GK: variants seen among roughly 807,000 people sequenced by gnomAD.
GK encodes the protein glycerol kinase.
GK carries 9 observed loss-of-function variants against 56.4 expected under a neutral mutation model. The observed-to-expected ratio is 0.16, with a 90% CI of 0.10 to 0.28. The LOEUF is 0.28. GK is among the 10% of genes least tolerant of loss of function. GK has a pLI of 1.00. For missense variants in GK, 161 were observed against 431.4 expected (o/e 0.37, Z 5.55); for synonymous variants, 104 against 144.1 (o/e 0.72, Z 1.99).
In GK at chrX:30,693,026, T is replaced by C. The variant is rs1267574732; in HGVS notation, c.415-1374T>C. Among the ~76,000 whole-genome samples the C allele has an allele frequency of 4.4e-5, 4 of 90,715 alleles. No homozygotes were observed. The East Asian group carries it at 1.3e-3, about 30-fold the overall frequency. The allele number at this position is 90,715 out of a possible 115,157, so 78.8% of individuals were successfully genotyped here. ...TTTTTCTTTTCTTTTTTTTTTTTTT[T>C]TTTTTTTTGAGACGGAGTCTCGCTC... is the stretch of plus-strand genomic sequence containing the variant. On this transcript the variant is annotated intron_variant, in intron 5 of 20. Transcript: ENST00000427190.
At chrX:30,683,931 G>A (rs774375046) in intron 4 of GK, among the ~76,000 whole-genome samples, 1 of 111,567 alleles carries the variant, frequency 9.0e-6, no homozygotes, top group South Asian at 3.8e-4. Flanking sequence ...TAGTCTTCCT[G>A]GTACTTCTCT....
intron 11 of GK, among the ~76,000 whole-genome samples, chrX:30,706,054 C>A (rs751540000): frequency 2.0e-4 from 22 of 111,607 alleles, no homozygotes; most frequent in Non-Finnish European, 3.4e-4. Flanking sequence ...TTTCAGTGTG[C>A]GGCAATAAAA....
chrX:30,665,804 G>A (rs1050376728), intron 2 of GK, among the ~76,000 whole-genome samples: 1 of 112,146 alleles, frequency 8.9e-6, no homozygotes, highest in Non-Finnish European at 1.9e-5. Context: ...GAATAATAAA[G>A]TAATAAAGCA....
At chrX:30,687,840 T>A (rs1484972256) in intron 4 of GK, among the ~76,000 whole-genome samples, 1 of 112,290 alleles carries the variant, frequency 8.9e-6, no homozygotes, top group African/African-American at 3.2e-5. Context: ...AGTTTTCTAA[T>A]TTTTTTGTTC....
At chrX:30,707,298 C>T (rs1936065478) in intron 11 of GK, among the ~76,000 whole-genome samples, 2 of 106,587 alleles carry the variant, frequency 1.9e-5, no homozygotes, top group African/African-American at 6.9e-5. Context: ...CCACTGCACT[C>T]CAGCCTGGTG....
At chrX:30,695,726 C>T (rs1332272941) in intron 6 of GK, among the ~76,000 whole-genome samples, 2 of 112,398 alleles carry the variant, frequency 1.8e-5, no homozygotes, top group Non-Finnish European at 3.8e-5. Flanking sequence ...TTTAATAAGA[C>T]TCTGAGTTTT....
intron 3 of GK, among the ~76,000 whole-genome samples, chrX:30,670,691 A>G (rs1933426027): frequency 8.9e-6 from 1 of 112,209 alleles, no homozygotes. Context: ...AAACTGTTAA[A>G]GCTGTAAAGG....
chrX:30,689,718 C>A (rs1008634352), intron 4 of GK: 1 of 253,391 alleles, frequency 3.9e-6, no homozygotes, highest in Non-Finnish European at 7.6e-6. Flanking sequence ...CAGACCCATT[C>A]CTGGAGCTGG....
intron 4 of GK, among the ~76,000 whole-genome samples, chrX:30,688,522 A>AG (rs1400717480): frequency 9.4e-6 from 1 of 106,043 alleles, no homozygotes; most frequent in Non-Finnish European, 1.9e-5. Context: ...AAAAAAAAAA[A>AG]GGGAGAGAGA....
rs2147144601 is a variant in GK, at chrX:30,668,056, A to C, written c.197A>C (p.Glu66Ala). Residue 66 changes from glutamate to alanine, a missense_variant, in exon 3 of 21, where the codon GAG becomes GCG. By Grantham distance (107) the Glu-to-Ala change is moderately radical. Coordinates refer to ENST00000427190, the MANE Select transcript of GK (RefSeq NM_001205019.2). ...DPKEILHSVY[E>A]CIEKTCEKLG... ...AAGGAAATTCTACATTCTGTCTATG[A>C]GTGTATAGAGAAAACATGTGAGAAA... The C allele has an allele frequency of 8.8e-7, 1 of 1,138,505 alleles. No individual in the cohort carries two copies. The highest frequency in any genetic ancestry group is 1.2e-6 in the Non-Finnish European group (1 of 828,648). 93.8% of individuals were successfully genotyped at this position (1,138,505 alleles called of 1,213,427 possible). A position where few individuals can be genotyped will look rare whatever the true frequency, so the allele number is the denominator to read the frequency against.
intron 4 of GK, among the ~76,000 whole-genome samples, chrX:30,685,705 T>C (rs942946723): frequency 1.1e-4 from 12 of 112,282 alleles, no homozygotes; most frequent in Non-Finnish European, 1.7e-4. Context: ...TAATTATTTT[T>C]ATCCCGTTAA....
chrX:30,690,249 T>C (rs1334920046), intron 4 of GK, among the ~76,000 whole-genome samples: 1 of 112,065 alleles, frequency 8.9e-6, no homozygotes, highest in Non-Finnish European at 1.9e-5. Context: ...AGGAGGTATC[T>C]GAGCAGTCAG....
intron 18 of GK, 176 bp from the exon 19 acceptor site, chrX:30,723,925 A>C (rs887908563): frequency 4.3e-6 from 2 of 466,232 alleles, no homozygotes; most frequent in Non-Finnish European, 7.8e-6. Flanking sequence ...CATGTCTTCC[A>C]GTCACTGGCA....
chrX:30,669,184 T>G (rs769759493), intron 3 of GK, among the ~76,000 whole-genome samples: 157 of 80,709 alleles, frequency 1.9e-3, no homozygotes, highest in African/African-American at 6.9e-3. Context: ...GTCCTAGTAG[T>G]TTTTTTTTTT....
intron 4 of GK, among the ~76,000 whole-genome samples, chrX:30,690,631 G>A (rs777099526): frequency 1.8e-5 from 2 of 111,242 alleles, no homozygotes; most frequent in South Asian, 3.8e-4. Flanking sequence ...CATAACAGAC[G>A]GAATCTTTTG....
intron 17 of GK, 44 bp from the exon 18 acceptor site, chrX:30,720,808 G>C: frequency 8.3e-7 from 1 of 1,209,532 alleles, no homozygotes; most frequent in Non-Finnish European, 1.1e-6. Flanking sequence ...AGTTCTTTGG[G>C]CATATGTAAC....
chrX:30,695,629 CA>C (rs1474153875), intron 6 of GK, among the ~76,000 whole-genome samples: 2 of 111,893 alleles, frequency 1.8e-5, no homozygotes, highest in Admixed American at 9.5e-5. Context: ...ACAGCAACAA[CA>C]AAAAAAACCA....
chrX:30,665,490 A>G, intron 1 of GK, 21 bp from the exon 2 acceptor site: 1 of 924,866 alleles, frequency 1.1e-6, no homozygotes, highest in Non-Finnish European at 1.6e-6. Flanking sequence ...TTTTACATTA[A>G]TATTACAATA....
intron 1 of GK, among the ~76,000 whole-genome samples, chrX:30,662,805 T>C (rs1252572440): frequency 2.4e-5 from 2 of 82,890 alleles, no homozygotes; most frequent in African/African-American, 9.5e-5. Context: ...CCTTCCTTCC[T>C]TCCTTCTCTC....
Sources: allele counts gnomAD v4.1 joint callset (sites outside exome capture counted in the v4.1 genomes callset), GRCh38; gene constraint gnomAD v4.1.1; transcripts MANE v1.5; gene names NCBI Gene and HGNC (gene_info 2026-07-23, HGNC 2026-07-21).